Variants in PTPRM observed in about 807,000 individuals in gnomAD.
PTPRM encodes the protein protein tyrosine phosphatase receptor type M, also known as receptor-type tyrosine-protein phosphatase mu.
A neutral mutation model predicts 186.7 loss-of-function variants in PTPRM; 47 were observed. That is an observed-to-expected ratio of 0.25 (90% confidence interval 0.20 to 0.32). The LOEUF is 0.32. PTPRM is among the 10% of genes least tolerant of loss of function. The probability of loss-of-function intolerance (pLI) is 1.00; values close to 1 mark genes in which losing one functional copy is unlikely to be tolerated. For synonymous variants in PTPRM, 668 were observed against 674.9 expected (o/e 0.99, Z 0.16); for missense variants, 1,494 against 1,865.0 (o/e 0.80, Z 3.66).
intron 1 of PTPRM, among the ~76,000 whole-genome samples, chr18:7,650,444 TCCC>T (rs10707334): frequency 7.6e-4 from 65 of 85,630 alleles, no homozygotes; most frequent in African/African-American, 2.0e-3. Context: ...AACTTTCAAA[TCCC>T]CCCCCCCCCC....
intron 1 of PTPRM, among the ~76,000 whole-genome samples, chr18:7,746,587 T>TC (rs2040991866): frequency 1.3e-5 from 2 of 152,132 alleles, no homozygotes; most frequent in Non-Finnish European, 2.9e-5. Flanking sequence ...TGCCTCAGCC[T>TC]CCCAAGTAGC....
intron 7 of PTPRM, among the ~76,000 whole-genome samples, chr18:8,025,687 AAAAATATCTTGACCTAAAACCTG>A (rs1189115097): frequency 1.3e-5 from 2 of 152,236 alleles, no homozygotes; most frequent in Non-Finnish European, 2.9e-5. Context: ...CTTTGTTTAG[AAAAATATCTTGACCTAAAACCTG>A]AGGTCAAAGA....
rs565998617 is a variant in PTPRM at position 8,124,060 on chromosome 18, G to A, written c.2167+9233G>A. Among the ~76,000 whole-genome samples the A allele has an allele frequency of 5.9e-5, 9 of 152,260 alleles. 1 individual carries two copies. Among genetic ancestry groups the A allele is most frequent in the African/African-American group, 2.2e-4 (9 of 41,550 alleles). ...CTTCATAAAGCAGCCCCCGTCGTAAGGCATTTAGACACAGTGAGTGTCATT... is the reference window on the plus strand; with the variant it reads ...CTTCATAAAGCAGCCCCCGTCGTAAAGCATTTAGACACAGTGAGTGTCATT... On this transcript the variant is annotated intron_variant, in intron 13 of 32. Transcript: ENST00000580170.
intron 13 of PTPRM, among the ~76,000 whole-genome samples, chr18:8,130,635 T>G (rs1396516509): frequency 1.3e-5 from 2 of 152,284 alleles, no homozygotes; most frequent in Middle Eastern, 3.4e-3. Context: ...GATAGGAAAG[T>G]GTACCTCAGG....
intron 5 of PTPRM, among the ~76,000 whole-genome samples, chr18:7,943,014 C>A (rs60334764): frequency 6.6e-6 from 1 of 152,122 alleles, no homozygotes; most frequent in Non-Finnish European, 1.5e-5. Flanking sequence ...AAACTAATAA[C>A]GTCATTGAAG....
intron 1 of PTPRM, among the ~76,000 whole-genome samples, chr18:7,615,265 C>T (rs1420743095): frequency 6.6e-6 from 1 of 152,078 alleles, no homozygotes; most frequent in South Asian, 2.1e-4. Context: ...AAAAATCACC[C>T]ATGATCTTAT....
chr18:7,686,582 A>T (rs74807823), intron 1 of PTPRM, among the ~76,000 whole-genome samples: 1 of 151,850 alleles, frequency 6.6e-6, no homozygotes, highest in Non-Finnish European at 1.5e-5. Flanking sequence ...AAAAAAAAAA[A>T]CTGCAAGCAA....
At chr18:7,576,875 G>A (rs1046439054) in intron 1 of PTPRM, among the ~76,000 whole-genome samples, 3 of 152,166 alleles carry the variant, frequency 2.0e-5, no homozygotes, top group African/African-American at 7.2e-5. Context: ...ACTTAAAATG[G>A]ACTCAGTGTG....
chr18:7,573,731 A>G (rs931468012), intron 1 of PTPRM, among the ~76,000 whole-genome samples: 1 of 152,076 alleles, frequency 6.6e-6, no homozygotes, highest in Non-Finnish European at 1.5e-5. Context: ...CTGGAATTAC[A>G]GGTGCCTGCC....
intron 14 of PTPRM, among the ~76,000 whole-genome samples, chr18:8,229,408 A>G (rs1601353446): frequency 6.6e-6 from 1 of 152,290 alleles, no homozygotes; most frequent in East Asian, 1.9e-4. Flanking sequence ...TGATCCATTG[A>G]ACACTCTACA....
At chr18:8,352,632 C>CTTTTTTTTTTTTTTTTTTTTTTTTTTT (rs58235619) in intron 23 of PTPRM, among the ~76,000 whole-genome samples, 1 of 130,452 alleles carries the variant, frequency 7.7e-6, no homozygotes, top group Non-Finnish European at 1.6e-5. Context: ...TTTTTCTTTT[C>CTTTTTTTTTTTTTTTTTTTTTTTTTTT]TTTTTTTTTT....
intron 8 of PTPRM, among the ~76,000 whole-genome samples, chr18:8,072,143 T>TA (rs1429634499): frequency 2.0e-5 from 3 of 152,190 alleles, no homozygotes; most frequent in Non-Finnish European, 4.4e-5. Context: ...GAGTAAGTAA[T>TA]AAACACCCCA....
chr18:7,910,043 G>A (rs2050183473), intron 4 of PTPRM, among the ~76,000 whole-genome samples: 1 of 152,186 alleles, frequency 6.6e-6, no homozygotes, highest in African/African-American at 2.4e-5. Context: ...ATTATGAGCT[G>A]TGCATATATG....
intron 23 of PTPRM, among the ~76,000 whole-genome samples, chr18:8,344,448 G>GTGTGTGTATATA (rs1360655194): frequency 9.0e-5 from 3 of 33,418 alleles, no homozygotes; most frequent in African/African-American, 2.2e-4. Context: ...GTGTGTGTGT[G>GTGTGTGTATATA]TATATATATA....
At chr18:7,835,166 A>T (rs1598962561) in intron 2 of PTPRM, among the ~76,000 whole-genome samples, 1 of 146,952 alleles carries the variant, frequency 6.8e-6, no homozygotes, top group African/African-American at 2.5e-5. Context: ...TCTTGCTTTT[A>T]AATTATTCGT....
At position 8,172,284 on chromosome 18, in the gene PTPRM, T is replaced by TA. The variant is rs756363742; in HGVS notation, c.2300+28506dup. Among the ~76,000 whole-genome samples, 396 of 144,434 alleles carry TA rather than the reference T, an allele frequency of 2.7e-3. 7 individuals carry two copies. Among genetic ancestry groups the TA allele is most frequent in the East Asian group, 0.026 (126 of 4,912 alleles). 94.8% of individuals were successfully genotyped at this position (144,434 alleles called of 152,430 possible). ...CTTGACCTTTTTTTTTTTTTTTTTT[T>TA]ATAACTTTACAGACTTACCTATTCC... On this transcript the variant is annotated intron_variant, in intron 14 of 32. Coordinates refer to ENST00000580170, the MANE Select transcript of PTPRM (RefSeq NM_001105244.2).
At chr18:8,006,919 C>A (rs566928492) in intron 7 of PTPRM, among the ~76,000 whole-genome samples, 139 of 152,294 alleles carry the variant, frequency 9.1e-4, no homozygotes, top group African/African-American at 3.1e-3. Context: ...AGTTAGATAA[C>A]AAATACATAT....
At chr18:8,192,823 C>T (rs2093726282) in intron 14 of PTPRM, among the ~76,000 whole-genome samples, 1 of 152,170 alleles carries the variant, frequency 6.6e-6, no homozygotes, top group Non-Finnish European at 1.5e-5. Flanking sequence ...CTTCAAGTGT[C>T]ACCTATAGAT....
intron 2 of PTPRM, among the ~76,000 whole-genome samples, chr18:7,829,280 G>A (rs2045642921): frequency 6.6e-6 from 1 of 152,106 alleles, no homozygotes; most frequent in Non-Finnish European, 1.5e-5. Context: ...TTGTATCTAT[G>A]TACATAATAA....
Sources: allele counts gnomAD v4.1 joint callset (sites outside exome capture counted in the v4.1 genomes callset), GRCh38; gene constraint gnomAD v4.1.1; transcripts MANE v1.5; gene names NCBI Gene and HGNC (gene_info 2026-07-23, HGNC 2026-07-21).